The following WDR62 variants were observed in gnomAD, a reference collection of about 807,000 sequenced individuals.
WDR62 encodes the protein WD repeat-containing protein 62.
WDR62 carries 112 observed loss-of-function variants against 160.6 expected under a neutral mutation model. The ratio of observed to expected loss-of-function variants is 0.70; its 90% CI spans 0.60 to 0.82. WDR62 has a LOEUF of 0.82. Ranked by LOEUF, WDR62 falls within the 40% of genes least tolerant of loss-of-function variation. The pLI is 0.00. For synonymous variants in WDR62, 792 were observed against 815.1 expected, an observed-to-expected ratio of 0.97 and a Z score of 0.48; for missense variants, 1,819 against 1,983.8, an observed-to-expected ratio of 0.92 and a Z score of 1.58.
At position 36,097,665 on chromosome 19, in the gene WDR62, C is replaced by T. The variant is rs188023107; in HGVS notation, c.2520+586C>T. On this transcript the variant is annotated intron_variant, in intron 21 of 31. Transcript: ENST00000401500. ...TTGGGAGGCCAAGGCAGGTTGATCA[C>T]TTGAGCCCAGGAGTTCAAGACCAGC... 1.6e-3 allele frequency among the ~76,000 whole-genome samples: 251 copies of T among 152,272 alleles called. 1 individual carries two copies. Among genetic ancestry groups the T allele is most frequent in the African/African-American group, 5.4e-3 (226 of 41,548 alleles).
At chr19:36,073,580 C>T in intron 9 of WDR62, 49 bp downstream of exon 9, 1 of 1,426,232 alleles carries the variant, frequency 7.0e-7, no homozygotes, top group Non-Finnish European at 9.6e-7. Flanking sequence ...CTGCACAGTT[C>T]CCCACAGTTT....
Position 36,104,819 on chromosome 19 carries a change from C to G in WDR62, c.4363C>G (p.Leu1455Val). Residue 1455 changes from leucine (L) to valine (V), a missense_variant, in exon 32 of 32, where the codon CTG becomes GTG. This residue lies in a region of WDR62 where 770 missense variants were observed against 734.2 expected (regional missense o/e 1.05). Coordinates refer to ENST00000401500, the MANE Select transcript of WDR62 (RefSeq NM_001083961.2). ...CGGGCAGCAGCAGGCACGGACTGAG[C>G]TGGTCTCCACCTTCCTGTGGATCCA... ...DTGQQQARTE[L>V]VSTFLWIHSQ... is the part of the protein sequence containing the mutation. 1 of 1,613,574 alleles carries G rather than the reference C, an allele frequency of 6.2e-7. No homozygotes were observed. The highest frequency in any genetic ancestry group is 8.5e-7 in the Non-Finnish European group (1 of 1,180,014).
At chr19:36,106,499 C>T (rs1055159117), downstream of WDR62, among the ~76,000 whole-genome samples, 1 of 152,148 alleles carries the variant, frequency 6.6e-6, no homozygotes, top group Admixed American at 6.5e-5. Context: ...AATTAGAGCT[C>T]TGTATAATTC....
Position 36,055,155 on chromosome 19 carries a change from A to G in WDR62, c.177+7A>G. On this transcript the variant is annotated splice_region_variant and intron_variant, in intron 1 of 31. Transcript: ENST00000401500. The stretch of plus-strand genomic sequence containing the variant: ...GGAGACGGTGCAGAACCGGGTGAGA[A>G]GCTGCTCGCCATGTCTACCCCAGTT... 1.2e-6 allele frequency: 2 copies of G among 1,605,810 alleles called. No homozygotes were observed. The highest frequency in any genetic ancestry group is 1.7e-6 in the Non-Finnish European group (2 of 1,177,090).
intron 16 of WDR62, 43 bp downstream of exon 16, chr19:36,090,563 C>T: frequency 6.3e-7 from 1 of 1,587,244 alleles, no homozygotes; most frequent in South Asian, 1.1e-5. Context: ...CCCTGATGGG[C>T]CACCTATTGT....
intron 10 of WDR62, among the ~76,000 whole-genome samples, chr19:36,082,633 G>C (rs535963945): frequency 6.6e-6 from 1 of 152,290 alleles, no homozygotes; most frequent in East Asian, 1.9e-4. Context: ...CTCAAAACAA[G>C]AGGTAAAAGT....
chr19:36,098,600 G>A (rs1346504579), intron 21 of WDR62, among the ~76,000 whole-genome samples: 10 of 151,560 alleles, frequency 6.6e-5, no homozygotes, highest in African/African-American at 2.4e-4. Context: ...TGGATTATAA[G>A]AGACAGAATA....
At chr19:36,069,166 G>C (rs1223888459) in intron 7 of WDR62, among the ~76,000 whole-genome samples, 1 of 144,780 alleles carries the variant, frequency 6.9e-6, no homozygotes, top group Non-Finnish European at 1.5e-5. Context: ...CTGGCCGGGC[G>C]GGGGCTGACC....
At chr19:36,101,849 G>A in intron 25 of WDR62, 75 bp downstream of exon 25, 2 of 1,505,514 alleles carry the variant, frequency 1.3e-6, no homozygotes, top group Non-Finnish European at 1.8e-6. Flanking sequence ...TCTAAGCACA[G>A]GCCCTGCACT....
At chr19:36,110,023 T>A (rs1188980223), downstream of WDR62, among the ~76,000 whole-genome samples, 4 of 151,362 alleles carry the variant, frequency 2.6e-5, no homozygotes, top group Non-Finnish European at 5.9e-5. Context: ...GCCATTGCAC[T>A]CCAGCCTGGG....
At chr19:36,102,924 TC>T (rs769417793) in intron 27 of WDR62, 23 bp from the exon 28 acceptor site, 1 of 1,613,804 alleles carries the variant, frequency 6.2e-7, no homozygotes, top group Non-Finnish European at 8.5e-7. Flanking sequence ...ATGAGAATCA[TC>T]CCCCCTGCTC....
chr19:36,101,226 G>A lies in WDR62; in HGVS notation c.2880G>A (p.Arg960=). ...TVTGTDSQYC[R]KEVEAGPGDQ... is the part of the protein sequence containing the mutation. ...ACTGGCACTGCAGCCAGTATTGCAG[G>A]AAGGAGGTGGAGGCCGGGCCTGGAG... The change falls in exon 24 of 32, where the codon AGG becomes AGA. Residue 960 remains arginine (R), a synonymous_variant. Coordinates refer to ENST00000401500, the MANE Select transcript of WDR62 (RefSeq NM_001083961.2). 1 of 1,612,710 alleles carries A rather than the reference G, an allele frequency of 6.2e-7. No homozygotes were observed. Among genetic ancestry groups the A allele is most frequent in the Non-Finnish European group, 8.5e-7 (1 of 1,179,658 alleles).
At chr19:36,107,190 G>A (rs4806274), downstream of WDR62, among the ~76,000 whole-genome samples, 20,676 of 152,208 alleles carry the variant, frequency 0.14, 1,704 homozygotes, top group Middle Eastern at 0.25. Context: ...CTCCTGCTCT[G>A]TTATCCTCTG....
intron 1 of WDR62, among the ~76,000 whole-genome samples, chr19:36,057,618 G>A (rs1384765289): frequency 1.3e-5 from 2 of 151,856 alleles, no homozygotes; most frequent in African/African-American, 2.4e-5. Context: ...GGGTTCAAGC[G>A]ATTTTACTGC....
intron 1 of WDR62, among the ~76,000 whole-genome samples, chr19:36,058,009 G>C (rs1970453121): frequency 6.6e-6 from 1 of 152,148 alleles, no homozygotes; most frequent in Non-Finnish European, 1.5e-5. Flanking sequence ...GGTGATAATA[G>C]AGCCTTCTTC....
chr19:36,104,333 TAAG>T (rs963236760), intron 30 of WDR62, among the ~76,000 whole-genome samples, 182 bp from the exon 31 acceptor site: 4 of 151,890 alleles, frequency 2.6e-5, no homozygotes, highest in East Asian at 3.9e-4. Context: ...AACCAGAAGA[TAAG>T]AAGAGGCTTC....
chr19:36,102,992 A>G lies in WDR62; in HGVS notation c.3380A>G (p.Lys1127Arg). The change falls in exon 28 of 32, where the codon AAG becomes AGG. Residue 1127 changes from lysine (K) to arginine (R), a missense_variant. Physicochemically the swap from Lys to Arg is conservative, Grantham distance 26 (BLOSUM62 2). Around this residue, in one of 3 missense-constraint regions of WDR62, gnomAD observed 770 missense variants for 734.2 expected, o/e 1.05. Coordinates refer to ENST00000401500, the MANE Select transcript of WDR62 (RefSeq NM_001083961.2). ...CCCCGGGCAACCCAGTGCCTTGTGAAGTCTCCAGAGGTCAAGCTCATGGAC... is the reference window on the plus strand; with the variant it reads ...CCCCGGGCAACCCAGTGCCTTGTGAGGTCTCCAGAGGTCAAGCTCATGGAC... ...FPPRATQCLV[K>R]SPEVKLMDRG... The G allele has an allele frequency of 6.2e-7, 1 of 1,614,146 alleles. No individual in the cohort carries two copies. Among genetic ancestry groups the G allele is most frequent in the South Asian group, 1.1e-5 (1 of 91,084 alleles).
At chr19:36,109,337 C>T (rs1973765403), downstream of WDR62, among the ~76,000 whole-genome samples, 1 of 152,194 alleles carries the variant, frequency 6.6e-6, no homozygotes, top group Admixed American at 6.5e-5. Context: ...TGGGTCTCTG[C>T]CTCACTTGCC....
At chr19:36,062,874 A>G (rs970445171) in intron 3 of WDR62, among the ~76,000 whole-genome samples, 4 of 152,086 alleles carry the variant, frequency 2.6e-5, no homozygotes, top group Admixed American at 6.5e-5. Context: ...AGAATCACAC[A>G]TTGCATTGAG....
Sources: gnomAD v4.1 joint callset for allele counts (sites outside exome capture counted in the v4.1 genomes callset) on GRCh38, gnomAD v4.1.1 for gene constraint, gnomAD v4.1.1 regional missense constraint, MANE v1.5 for transcripts, NCBI Gene and HGNC (gene_info 2026-07-23, HGNC 2026-07-21) for gene names.